SAA1: variants seen among roughly 807,000 people sequenced by gnomAD.
The protein encoded by SAA1 is serum amyloid A1.
SAA1 carries 4 observed loss-of-function variants against 9.8 expected under a neutral mutation model. The ratio of observed to expected loss-of-function variants is 0.41; its 90% CI spans 0.20 to 0.93. The LOEUF (loss-of-function observed/expected upper bound fraction) is 0.93, where lower values mean the gene tolerates loss of function less well. Among genes scored for constraint, SAA1 ranks in the 40% least tolerant of loss-of-function variants. The pLI, the probability that SAA1 is intolerant of heterozygous loss-of-function variation, is 0.33. For missense variants in SAA1, 114 were observed against 155.5 expected (o/e 0.73, Z 1.42); for synonymous variants, 47 against 57.7 (o/e 0.82, Z 0.84).
In SAA1 at chr11:18,269,336, A is replaced by G. The variant is rs765543323; in HGVS notation, c.230+3A>G. On this transcript the variant is annotated splice_donor_region_variant and intron_variant, in intron 3 of 3. Transcript: ENST00000356524. Reference sequence around the variant, plus strand: ...GCCTGGGCTGCAGAAGTGATCACGTAACTGGAGCTCCTGGGACGTTAGGGC... The same window carrying G: ...GCCTGGGCTGCAGAAGTGATCACGTGACTGGAGCTCCTGGGACGTTAGGGC... The G allele has an allele frequency of 6.8e-7, 1 of 1,471,386 alleles. No homozygotes were observed. Among genetic ancestry groups the G allele is most frequent in the Non-Finnish European group, 9.0e-7 (1 of 1,109,236 alleles). 91.1% of individuals were successfully genotyped at this position (1,471,386 alleles called of 1,614,324 possible).
Position 18,269,280 on chromosome 11 carries a change from C to T in SAA1, c.177C>T (p.Asn59=). The T allele has an allele frequency of 1.3e-6, 2 of 1,589,556 alleles. No homozygotes were observed. Among genetic ancestry groups the T allele is most frequent in the Non-Finnish European group, 1.7e-6 (2 of 1,165,914 alleles). ...GSDKYFHARG[N]YDAAKRGPGG... is the part of the protein sequence containing the mutation. ...ACAAATACTTCCATGCTCGGGGGAA[C>T]TATGATGCTGCCAAAAGGGGACCTG... Residue 59 remains asparagine (N), a synonymous_variant, in exon 3 of 4, where the codon AAC becomes AAT. Coordinates refer to ENST00000356524, the MANE Select transcript of SAA1 (RefSeq NM_199161.5).
At chr11:18,268,647 C>T (rs1435924026) in intron 2 of SAA1, among the ~76,000 whole-genome samples, 1 of 152,030 alleles carries the variant, frequency 6.6e-6, no homozygotes, top group Non-Finnish European at 1.5e-5. Context: ...GCCTGACCAA[C>T]ATGGTGAAAT....
intron 2 of SAA1, among the ~76,000 whole-genome samples, chr11:18,268,049 C>T (rs150582506): frequency 0.015 from 2,298 of 151,964 alleles, 57 homozygotes; most frequent in African/African-American, 0.053. Flanking sequence ...TGGGGTGTGG[C>T]CTGGGCACTG....
intron 2 of SAA1, among the ~76,000 whole-genome samples, chr11:18,268,154 T>C (rs1465249089): frequency 6.6e-6 from 1 of 150,500 alleles, no homozygotes; most frequent in East Asian, 2.0e-4. Context: ...ATGAATCACT[T>C]GAGGTCATGA....
At chr11:18,268,418 T>C (rs2134166778) in intron 2 of SAA1, among the ~76,000 whole-genome samples, 1 of 152,272 alleles carries the variant, frequency 6.6e-6, no homozygotes. Context: ...ACCACTGCCC[T>C]ATTGCTTCCT....
rs138257225 is a variant in SAA1 at position 18,269,801 on chromosome 11, G to A, written c.315G>A (p.Arg105=). Residue 105 remains arginine (R), a synonymous_variant, in exon 4 of 4, where the codon AGG becomes AGA. Transcript: ENST00000356524. The stretch of plus-strand genomic sequence containing the variant: ...ATCAGGCTGCCAATGAATGGGGCAG[G>A]AGTGGCAAAGACCCCAATCACTTCC... ...LADQAANEWG[R]SGKDPNHFRP... is the part of the protein sequence containing the mutation. 7 of 1,613,932 alleles carry A rather than the reference G, an allele frequency of 4.3e-6. No individual in the cohort carries two copies. Among genetic ancestry groups the A allele is most frequent in the Non-Finnish European group, 5.9e-6 (7 of 1,179,998 alleles).
chr11:18,268,044 T>C (rs931855755), intron 2 of SAA1, among the ~76,000 whole-genome samples: 2 of 151,736 alleles, frequency 1.3e-5, no homozygotes, highest in African/African-American at 4.8e-5. Context: ...TGGCCTGGGG[T>C]GTGGCCTGGG....
chr11:18,269,583 A>C (rs909722447), intron 3 of SAA1, 134 bp from the exon 4 acceptor site: 9 of 1,423,402 alleles, frequency 6.3e-6, no homozygotes, highest in Non-Finnish European at 8.6e-6. Context: ...GGTGGTGCCC[A>C]GTGTTTTCAT....
intron 2 of SAA1, among the ~76,000 whole-genome samples, chr11:18,268,817 A>C (rs1858115345): frequency 1.1e-5 from 1 of 87,934 alleles, no homozygotes; most frequent in Non-Finnish European, 2.4e-5. Flanking sequence ...TGGGCGACAG[A>C]GCAAGACTCT....
rs146642944 is a variant in SAA1 at position 18,269,959 on chromosome 11, G to T, written c.*104G>T. On this transcript the variant is annotated 3_prime_UTR_variant, in exon 4 of 4. Transcript: ENST00000356524. ...CAATGGGTATCTAATAAATACTTAA[G>T]AGGTGGAATTTGTGGAAACTGGGTG... 5.4e-5 allele frequency: 84 copies of T among 1,545,142 alleles called. No individual in the cohort carries two copies. Among genetic ancestry groups the T allele is most frequent in the Non-Finnish European group, 6.9e-5 (79 of 1,146,838 alleles).
intron 2 of SAA1, among the ~76,000 whole-genome samples, chr11:18,268,376 A>C (rs952274708): frequency 7.9e-5 from 12 of 151,864 alleles, no homozygotes; most frequent in African/African-American, 2.9e-4. Flanking sequence ...CATCTAAAAA[A>C]AATGAAAAAG....
intron 2 of SAA1, among the ~76,000 whole-genome samples, chr11:18,268,865 A>AAAAT (rs1564911715): frequency 1.1e-5 from 1 of 90,224 alleles, no homozygotes; most frequent in African/African-American, 4.3e-5. Flanking sequence ...AAAAAAAAAG[A>AAAAT]ATATAAACTT....
At position 18,269,294 on chromosome 11, in the gene SAA1, A is replaced by C; in HGVS notation, c.191A>C (p.Lys64Thr). The C allele has an allele frequency of 6.4e-7, 1 of 1,574,698 alleles. No homozygotes were observed. Among genetic ancestry groups the C allele is most frequent in the African/African-American group, 1.4e-5 (1 of 73,294 alleles). Residue 64 changes from lysine (K) to threonine (T), a missense_variant, in exon 3 of 4, where the codon AAA (lysine) becomes ACA (threonine). Lys to Thr is a moderately conservative substitution (Grantham distance 78). This residue lies in a region of SAA1 where 46 missense variants were observed against 100.8 expected (regional missense o/e 0.46). Coordinates refer to ENST00000356524, the MANE Select transcript of SAA1 (RefSeq NM_199161.5). ...GCTCGGGGGAACTATGATGCTGCCA[A>C]AAGGGGACCTGGGGGTGCCTGGGCT... Reference protein sequence around the residue: ...FHARGNYDAAKRGPGGAWAAE... With the variant: ...FHARGNYDAATRGPGGAWAAE...
chr11:18,269,579 G>A, intron 3 of SAA1, 138 bp from the exon 4 acceptor site: 2 of 1,415,336 alleles, frequency 1.4e-6, no homozygotes, highest in Admixed American at 2.1e-5. Context: ...ATGGGGTGGT[G>A]CCCAGTGTTT....
At position 18,269,822 on chromosome 11, in the gene SAA1, C is replaced by T; in HGVS notation, c.336C>T (p.His112=). Residue 112 remains histidine, a synonymous_variant, in exon 4 of 4, where the codon CAC becomes CAT. Coordinates refer to ENST00000356524, the MANE Select transcript of SAA1 (RefSeq NM_199161.5). ...GCAGGAGTGGCAAAGACCCCAATCA[C>T]TTCCGACCTGCTGGCCTGCCTGAGA... is the stretch of plus-strand genomic sequence containing the variant. ...EWGRSGKDPN[H]FRPAGLPEKY The T allele has an allele frequency of 6.2e-7, 1 of 1,614,244 alleles. No individual in the cohort carries two copies. Among genetic ancestry groups the T allele is most frequent in the Non-Finnish European group, 8.5e-7 (1 of 1,180,034 alleles).
At chr11:18,267,464 C>G (rs1716886) in intron 2 of SAA1, among the ~76,000 whole-genome samples, 1 of 66,098 alleles carries the variant, frequency 1.5e-5, no homozygotes, top group Non-Finnish European at 3.5e-5. Context: ...GTTTGTTTTG[C>G]GTAGAAGATG....
intron 2 of SAA1, among the ~76,000 whole-genome samples, chr11:18,268,831 T>TA (rs371021832): frequency 0.011 from 1,245 of 110,090 alleles, 39 homozygotes; most frequent in East Asian, 0.017. Flanking sequence ...AGACTCTGTC[T>TA]AAAAAAAAAA....
intron 3 of SAA1, 42 bp from the exon 4 acceptor site, chr11:18,269,675 T>C (rs747421710): frequency 3.1e-6 from 5 of 1,611,340 alleles, no homozygotes; most frequent in South Asian, 1.1e-5. Context: ...TATTGCTCAC[T>C]GGCCTGATTA....
In SAA1 at chr11:18,269,402, A is replaced by C. The variant is rs1858151188; in HGVS notation, c.230+69A>C. 9.2e-6 allele frequency: 14 copies of C among 1,517,684 alleles called. No individual in the cohort carries two copies. In the South Asian group the frequency reaches 1.8e-4, roughly 20 times the overall value. 94.0% of individuals were successfully genotyped at this position (1,517,684 alleles called of 1,614,324 possible). On this transcript the variant is annotated intron_variant, in intron 3 of 3. Coordinates refer to ENST00000356524, the MANE Select transcript of SAA1 (RefSeq NM_199161.5). ...TGCCTGCCTTGGACAGTCAGGAGGGAGACGAGCTCCTTGTGGAGAAGTTAG... is the reference window on the plus strand; with the variant it reads ...TGCCTGCCTTGGACAGTCAGGAGGGCGACGAGCTCCTTGTGGAGAAGTTAG...
Sources: allele counts gnomAD v4.1 joint callset (sites outside exome capture counted in the v4.1 genomes callset), GRCh38; gene constraint gnomAD v4.1.1; regional missense constraint gnomAD v4.1.1; transcripts MANE v1.5; gene names NCBI Gene and HGNC (gene_info 2026-07-23, HGNC 2026-07-21).